LRFN5: variants seen among roughly 807,000 people sequenced by gnomAD.
LRFN5 encodes the protein leucine rich repeat and fibronectin type III domain containing 5, also known as leucine-rich repeat and fibronectin type-III domain-containing protein 5.
LRFN5 carries 24 observed loss-of-function variants against 45.6 expected under a neutral mutation model. The ratio of observed to expected loss-of-function variants is 0.53; its 90% CI spans 0.38 to 0.74. The LOEUF (loss-of-function observed/expected upper bound fraction) is 0.74, where lower values mean the gene tolerates loss of function less well. Ranked by LOEUF, LRFN5 falls within the 30% of genes least tolerant of loss-of-function variation. The pLI is 0.00. For synonymous variants in LRFN5, 340 were observed against 313.8 expected, an observed-to-expected ratio of 1.08 and a Z score of -0.88; for missense variants, 776 against 861.5, an observed-to-expected ratio of 0.90 and a Z score of 1.24.
At chr14:41,874,654 T>G (rs1890128373) in intron 2 of LRFN5, among the ~76,000 whole-genome samples, 1 of 152,222 alleles carries the variant, frequency 6.6e-6, no homozygotes, top group Non-Finnish European at 1.5e-5. Context: ...AGCAATGCCC[T>G]GGGGAATGTA....
intron 2 of LRFN5, among the ~76,000 whole-genome samples, chr14:41,776,967 A>G: frequency 6.6e-6 from 1 of 152,036 alleles, no homozygotes; most frequent in African/African-American, 2.4e-5. Context: ...TATCCTTTAC[A>G]CATTGAATTG....
intron 1 of LRFN5, among the ~76,000 whole-genome samples, chr14:41,708,144 GTT>G (rs1883141779): frequency 6.6e-6 from 1 of 151,784 alleles, no homozygotes; most frequent in Admixed American, 6.6e-5. Flanking sequence ...TATTCATAAA[GTT>G]TTTATTTTTG....
chr14:41,832,504 A>G (rs890145137), intron 2 of LRFN5, among the ~76,000 whole-genome samples: 1 of 152,198 alleles, frequency 6.6e-6, no homozygotes, highest in Admixed American at 6.5e-5. Flanking sequence ...TAAGATTATT[A>G]TACTAGCAGC....
At position 41,887,007 on chromosome 14, in the gene LRFN5, T is replaced by C; in HGVS notation, c.382T>C (p.Leu128=). ...MFSGLSNLHH[L]ILNNNQLTLI... The stretch of plus-strand genomic sequence containing the variant: ...CAGTGGTCTTTCCAATCTTCATCAT[T>C]TGATACTGAACAACAATCAGCTGAC... The change falls in exon 3 of 6, where the codon TTG becomes CTG. Residue 128 remains leucine (L), a synonymous_variant. Coordinates refer to ENST00000298119, the MANE Select transcript of LRFN5 (RefSeq NM_152447.5). This position sits in a 1 kb window ranked among gnomAD's most constrained non-coding sequence, Gnocchi z 4.8. 3 of 1,614,216 alleles carry C rather than the reference T, an allele frequency of 1.9e-6. No homozygotes were observed. Among genetic ancestry groups the C allele is most frequent in the South Asian group, 1.1e-5 (1 of 91,072 alleles).
intron 2 of LRFN5, among the ~76,000 whole-genome samples, chr14:41,834,178 T>C (rs1888581367): frequency 6.6e-6 from 1 of 152,222 alleles, no homozygotes; most frequent in Non-Finnish European, 1.5e-5. Flanking sequence ...AAAAAAATTA[T>C]TTTGCATTCA....
At chr14:41,769,550 A>G (rs530681734) in intron 2 of LRFN5, among the ~76,000 whole-genome samples, 1 of 152,294 alleles carries the variant, frequency 6.6e-6, no homozygotes, top group South Asian at 2.1e-4. Context: ...ATATATGTAT[A>G]TATGTGTACG....
At chr14:41,820,779 C>T (rs10140497) in intron 2 of LRFN5, among the ~76,000 whole-genome samples, 6,258 of 151,920 alleles carry the variant, frequency 0.041, 431 homozygotes, top group African/African-American at 0.14. Context: ...TTGTTTGTAT[C>T]ATCTACAATT....
intron 2 of LRFN5, among the ~76,000 whole-genome samples, chr14:41,796,855 C>A (rs982476875): frequency 2.0e-5 from 3 of 151,764 alleles, no homozygotes; most frequent in African/African-American, 7.2e-5. Context: ...GATAATAATT[C>A]TTTAGTATTT....
At chr14:41,703,140 A>T (rs544830912) in intron 1 of LRFN5, among the ~76,000 whole-genome samples, 158 of 152,290 alleles carry the variant, frequency 1.0e-3, no homozygotes, top group African/African-American at 3.5e-3. Flanking sequence ...TTATCTACAA[A>T]TGGAATATCG....
chr14:41,765,293 G>C (rs1594688850), intron 1 of LRFN5, among the ~76,000 whole-genome samples: 1 of 147,676 alleles, frequency 6.8e-6, no homozygotes, highest in African/African-American at 2.5e-5. Context: ...AGTGAGCCGA[G>C]ATCGCGCCAC....
intron 2 of LRFN5, among the ~76,000 whole-genome samples, 183 bp downstream of exon 2, chr14:41,767,212 T>G (rs1205005353): frequency 6.6e-6 from 1 of 152,178 alleles, no homozygotes; most frequent in Admixed American, 6.5e-5. Context: ...TGTCTACCAC[T>G]TTTTGTGTTG....
chr14:41,789,690 C>A (rs1886849947), intron 2 of LRFN5, among the ~76,000 whole-genome samples: 3 of 151,928 alleles, frequency 2.0e-5, no homozygotes, highest in Non-Finnish European at 4.4e-5. Flanking sequence ...ACTATAGAGT[C>A]TTCATTTGTA....
chr14:41,865,029 C>A (rs757031650), intron 2 of LRFN5, among the ~76,000 whole-genome samples: 23 of 151,994 alleles, frequency 1.5e-4, no homozygotes, highest in Non-Finnish European at 2.9e-4. Flanking sequence ...TTTTACTTTT[C>A]TATTTTTAAA....
intron 1 of LRFN5, among the ~76,000 whole-genome samples, chr14:41,678,524 T>A (rs185917183): frequency 6.6e-6 from 1 of 152,256 alleles, no homozygotes; most frequent in East Asian, 1.9e-4. Flanking sequence ...ACTTGAATGA[T>A]ATCATTTGCC....
At position 41,867,511 on chromosome 14, in the gene LRFN5, C is replaced by A. The variant is rs74571339; in HGVS notation, c.-20-19095C>A. 9.0e-3 allele frequency among the ~76,000 whole-genome samples: 1,373 copies of A among 152,128 alleles called. 23 individuals are homozygous for A. The highest frequency in any genetic ancestry group is 0.031 in the African/African-American group (1,280 of 41,536). Reference sequence around the variant, plus strand: ...ACTTACTTCCACCTGATTTTTAATTCTTTCCACTCATTTTTCCAGACTGCC... The same window carrying A: ...ACTTACTTCCACCTGATTTTTAATTATTTCCACTCATTTTTCCAGACTGCC... On this transcript the variant is annotated intron_variant, in intron 2 of 5. Transcript: ENST00000298119.
At chr14:41,892,483 TA>T in intron 4 of LRFN5, 3 of 978,334 alleles carry the variant, frequency 3.1e-6, no homozygotes, top group Non-Finnish European at 3.6e-6. Context: ...AAGTATTGCA[TA>T]AAAAATGATA....
At chr14:41,757,958 CT>C (rs1885484936) in intron 1 of LRFN5, among the ~76,000 whole-genome samples, 1 of 152,156 alleles carries the variant, frequency 6.6e-6, no homozygotes, top group Non-Finnish European at 1.5e-5. Flanking sequence ...AATTCACTCA[CT>C]TTTTCCATGG....
At chr14:41,785,163 GTCTT>G (rs1886674092) in intron 2 of LRFN5, among the ~76,000 whole-genome samples, 1 of 151,946 alleles carries the variant, frequency 6.6e-6, no homozygotes, top group African/African-American at 2.4e-5. Flanking sequence ...AGTTTAAAGT[GTCTT>G]TCTTTTAGCG....
rs369486974 is a variant in LRFN5 at position 41,671,615 on chromosome 14, TCG to T, written c.-197+63054_-197+63055del. Among the ~76,000 whole-genome samples the T allele has an allele frequency of 3.0e-3, 210 of 71,044 alleles. 3 individuals carry two copies. Among genetic ancestry groups the T allele is most frequent in the South Asian group, 5.5e-3 (9 of 1,648 alleles). The allele number at this position is 71,044 out of a possible 152,430, so 46.6% of individuals were successfully genotyped here. On this transcript the variant is annotated intron_variant, in intron 1 of 5. Transcript: ENST00000298119. Reference sequence around the variant, plus strand: ...GATGTGGAGGAGAGATTTTTTTTTTTCGTTTTTTTTTTTTTTTTTTTTACGGA... The same window carrying T: ...GATGTGGAGGAGAGATTTTTTTTTTTTTTTTTTTTTTTTTTTTTTTACGGA...
Sources: allele counts gnomAD v4.1 joint callset (sites outside exome capture counted in the v4.1 genomes callset), GRCh38; gene constraint gnomAD v4.1.1; non-coding constraint Gnocchi (gnomAD v3.1); transcripts MANE v1.5; gene names NCBI Gene and HGNC (gene_info 2026-07-23, HGNC 2026-07-21).